Variants in FHOD3 observed in about 807,000 individuals in gnomAD.
FHOD3 encodes the protein FH1/FH2 domain-containing protein 3.
In FHOD3, 90 loss-of-function variants were observed where a neutral mutation model predicts 173.0. The ratio of observed to expected loss-of-function variants is 0.52; its 90% CI spans 0.44 to 0.62. The LOEUF (loss-of-function observed/expected upper bound fraction) is 0.62. Ranked by LOEUF, FHOD3 falls within the 20% of genes least tolerant of loss-of-function variation. The pLI is 0.00. For missense variants in FHOD3, 1,945 were observed against 2,034.7 expected (o/e 0.96, Z 0.85); for synonymous variants, 828 against 823.0 (o/e 1.01, Z -0.10).
intron 1 of FHOD3, among the ~76,000 whole-genome samples, chr18:36,335,947 C>T (rs113712204): frequency 2.4e-4 from 37 of 152,318 alleles, no homozygotes; most frequent in African/African-American, 8.2e-4. Context: ...ATGCACATGA[C>T]GGCACGGGCA....
At chr18:36,638,409 C>T (rs2035042420) in intron 10 of FHOD3, among the ~76,000 whole-genome samples, 1 of 152,158 alleles carries the variant, frequency 6.6e-6, no homozygotes, top group Admixed American at 6.5e-5. Context: ...AGACCAGGTC[C>T]TGCAGGGCCT....
At position 36,360,739 on chromosome 18, in the gene FHOD3, A is replaced by G. The variant is rs376736282; in HGVS notation, c.272+5094A>G. On this transcript the variant is annotated intron_variant, in intron 2 of 28. Coordinates refer to ENST00000590592, the MANE Select transcript of FHOD3 (RefSeq NM_001281740.3). ...TCTGTACAGTTTGTGGGTTTGTGGG[A>G]TTTTGGTGGGGAGGTATTTCAAAGC... is the stretch of plus-strand genomic sequence containing the variant. Among the ~76,000 whole-genome samples the G allele has an allele frequency of 5.9e-5, 9 of 152,226 alleles. No individual in the cohort carries two copies. The East Asian group carries it at 9.7e-4, about 16-fold the overall frequency.
intron 3 of FHOD3, among the ~76,000 whole-genome samples, chr18:36,479,709 GA>G (rs1401396833): frequency 2.0e-5 from 3 of 152,066 alleles, no homozygotes; most frequent in African/African-American, 4.8e-5. Flanking sequence ...GAATATATTA[GA>G]TATATTTCTT....
intron 14 of FHOD3, among the ~76,000 whole-genome samples, chr18:36,666,919 C>A (rs985106604): frequency 6.6e-6 from 1 of 152,186 alleles, no homozygotes; most frequent in Non-Finnish European, 1.5e-5. Flanking sequence ...ATTATTGCTG[C>A]CCTTCCCCAT....
At chr18:36,699,497 G>T (rs1054482366) in intron 17 of FHOD3, among the ~76,000 whole-genome samples, 3 of 152,198 alleles carry the variant, frequency 2.0e-5, no homozygotes, top group Admixed American at 6.5e-5. Context: ...GACAATGAGG[G>T]TTCTTGAGCC....
chr18:36,577,528 TGGCC>T (rs1284408271), intron 6 of FHOD3, among the ~76,000 whole-genome samples: 1 of 152,224 alleles, frequency 6.6e-6, no homozygotes, highest in Non-Finnish European at 1.5e-5. Flanking sequence ...CTTGAACTCC[TGGCC>T]TCAAATGATC....
chr18:36,308,296 T>C (rs1037650005), intron 1 of FHOD3, among the ~76,000 whole-genome samples: 4 of 152,228 alleles, frequency 2.6e-5, no homozygotes, highest in African/African-American at 9.6e-5. Context: ...AGATTTCATC[T>C]TGGATAGGAG....
intron 5 of FHOD3, among the ~76,000 whole-genome samples, chr18:36,569,091 C>T (rs2058369648): frequency 6.6e-6 from 1 of 152,078 alleles, no homozygotes. Flanking sequence ...ACCAGATGGG[C>T]TCGGTAGCAG....
intron 3 of FHOD3, among the ~76,000 whole-genome samples, chr18:36,404,816 T>C (rs912559557): frequency 6.6e-6 from 1 of 152,238 alleles, no homozygotes; most frequent in Non-Finnish European, 1.5e-5. Context: ...GGTGTGACTA[T>C]GAGTGCTTTT....
chr18:36,423,903 T>C (rs1202902374), intron 3 of FHOD3, among the ~76,000 whole-genome samples: 1 of 152,242 alleles, frequency 6.6e-6, no homozygotes, highest in Non-Finnish European at 1.5e-5. Context: ...TAACACTTGT[T>C]TGTAAAACCC....
intron 5 of FHOD3, among the ~76,000 whole-genome samples, chr18:36,528,561 C>T (rs2056635288): frequency 6.6e-6 from 1 of 152,178 alleles, no homozygotes; most frequent in South Asian, 2.1e-4. Flanking sequence ...CTGGATACAT[C>T]TGAGCTGGTG....
chr18:36,612,118 A>C, intron 9 of FHOD3, 23 bp downstream of exon 9: 1 of 1,610,724 alleles, frequency 6.2e-7, no homozygotes, highest in South Asian at 1.1e-5. Flanking sequence ...GCCTTTTGTA[A>C]GGTATCGTAC....
intron 26 of FHOD3, among the ~76,000 whole-genome samples, chr18:36,760,406 G>T (rs1011829849): frequency 6.6e-6 from 1 of 152,150 alleles, no homozygotes; most frequent in Non-Finnish European, 1.5e-5. Context: ...TCTGGGGCCG[G>T]GGGCTTTTCT....
At chr18:36,759,434 G>A (rs1454018708) in intron 26 of FHOD3, among the ~76,000 whole-genome samples, 1 of 152,206 alleles carries the variant, frequency 6.6e-6, no homozygotes, top group Non-Finnish European at 1.5e-5. Context: ...CCTGCTGCTG[G>A]AAAAGTGGAC....
intron 24 of FHOD3, among the ~76,000 whole-genome samples, chr18:36,747,652 C>A (rs1419198505): frequency 2.6e-5 from 4 of 152,254 alleles, no homozygotes; most frequent in African/African-American, 9.6e-5. Flanking sequence ...CTCAGAGTCA[C>A]AGGATCCAAG....
chr18:36,429,659 T>C (rs1355840), intron 3 of FHOD3, among the ~76,000 whole-genome samples: 12,049 of 152,114 alleles, frequency 0.079, 1,577 homozygotes, highest in African/African-American at 0.27. Context: ...AGGAAATGAA[T>C]ATGCAGAACG....
intron 3 of FHOD3, among the ~76,000 whole-genome samples, chr18:36,483,928 G>A (rs1670934555): frequency 6.6e-6 from 1 of 152,160 alleles, no homozygotes; most frequent in Admixed American, 6.5e-5. Flanking sequence ...CGAGGTCAGT[G>A]GTTCTCTGAG....
chr18:36,399,514 C>T (rs1036283351), intron 3 of FHOD3, among the ~76,000 whole-genome samples: 1 of 152,142 alleles, frequency 6.6e-6, no homozygotes, highest in African/African-American at 2.4e-5. Context: ...TCTTTGAGGT[C>T]CCCATCTTGT....
intron 6 of FHOD3, among the ~76,000 whole-genome samples, chr18:36,589,475 G>T (rs2059139905): frequency 6.6e-6 from 1 of 152,210 alleles, no homozygotes; most frequent in South Asian, 2.1e-4. Flanking sequence ...AAGCTGGAAA[G>T]GGCTGGCTGG....
Sources: gnomAD v4.1 joint callset for allele counts (sites outside exome capture counted in the v4.1 genomes callset) on GRCh38, gnomAD v4.1.1 for gene constraint, MANE v1.5 for transcripts, NCBI Gene and HGNC (gene_info 2026-07-23, HGNC 2026-07-21) for gene names.